Variants in PDE4D observed in about 807,000 individuals in gnomAD.
The protein encoded by PDE4D is 3',5'-cyclic-AMP phosphodiesterase 4D.
PDE4D carries 24 observed loss-of-function variants against 87.4 expected under a neutral mutation model. The ratio of observed to expected loss-of-function variants is 0.27; its 90% confidence interval spans 0.20 to 0.39. PDE4D has a LOEUF of 0.39. Among genes scored for constraint, PDE4D ranks in the 10% least tolerant of loss-of-function variants. The pLI is 1.00. For missense variants in PDE4D, 714 were observed against 1,041.0 expected (o/e 0.69, Z 4.32); for synonymous variants, 384 against 383.2 (o/e 1.00, Z -0.02).
At chr5:59,682,100 C>T (rs1002513822) in intron 1 of PDE4D, among the ~76,000 whole-genome samples, 3 of 151,820 alleles carry the variant, frequency 2.0e-5, no homozygotes, top group East Asian at 1.9e-4. Context: ...GTATCTGTTA[C>T]AGCAGCATTA....
At chr5:59,936,657 A>T (rs551430046) in intron 3 of PDE4D, among the ~76,000 whole-genome samples, 1 of 152,292 alleles carries the variant, frequency 6.6e-6, no homozygotes, top group South Asian at 2.1e-4. Context: ...TCACTCTCCC[A>T]TCTTTCAGTT....
At chr5:60,385,005 G>A (rs545650088) in intron 1 of PDE4D, among the ~76,000 whole-genome samples, 40 of 152,186 alleles carry the variant, frequency 2.6e-4, no homozygotes, top group African/African-American at 8.4e-4. Flanking sequence ...CATACAGCTT[G>A]GCCATAATTG....
chr5:59,465,702 T>C (rs1801485789), intron 1 of PDE4D, among the ~76,000 whole-genome samples: 1 of 152,194 alleles, frequency 6.6e-6, no homozygotes, highest in South Asian at 2.1e-4. Flanking sequence ...ATCAGTCACA[T>C]CTGCACACCT....
chr5:60,048,874 T>G (rs970149564), intron 2 of PDE4D, among the ~76,000 whole-genome samples: 8 of 152,170 alleles, frequency 5.3e-5, no homozygotes, highest in African/African-American at 9.7e-5. Context: ...GAGTATCTTT[T>G]TGGCATTCTC....
rs184559407 is a variant in PDE4D, at chr5:59,955,562, C to A, written c.272+32926G>T. 5.1e-3 allele frequency among the ~76,000 whole-genome samples: 781 copies of A among 152,296 alleles called. 7 individuals are homozygous for A. The highest frequency in any genetic ancestry group is 8.6e-3 in the Admixed American group (131 of 15,306). On this transcript the variant is annotated intron_variant, in intron 3 of 16. Transcript: ENST00000502484. ...GGGACACTGCAGGGATTACTCAGCT[C>A]CTCCTACTCCAAGCCTGAGGATTCC...
chr5:59,211,473 G>C (rs1027134851), intron 2 of PDE4D, among the ~76,000 whole-genome samples: 1 of 151,914 alleles, frequency 6.6e-6, no homozygotes, highest in Non-Finnish European at 1.5e-5. Flanking sequence ...TATTTCATTG[G>C]TTTAATGAAT....
chr5:59,282,629 G>A (rs528532462), intron 1 of PDE4D, among the ~76,000 whole-genome samples: 1 of 108,310 alleles, frequency 9.2e-6, no homozygotes, highest in Admixed American at 1.3e-4. Context: ...GGCGACAAGA[G>A]TGAAACTCCA....
chr5:59,897,841 T>A (rs1043414501), upstream of PDE4D, among the ~76,000 whole-genome samples: 3 of 152,202 alleles, frequency 2.0e-5, no homozygotes, highest in Non-Finnish European at 4.4e-5. Flanking sequence ...TAAACTCCTG[T>A]CTAATTACAT....
intron 1 of PDE4D, among the ~76,000 whole-genome samples, chr5:59,440,405 G>C (rs1034603036): frequency 2.0e-5 from 3 of 152,122 alleles, no homozygotes; most frequent in African/African-American, 7.2e-5. Flanking sequence ...CAAATGCATA[G>C]AATAGTCACT....
chr5:59,538,595 G>A (rs1439457105), intron 1 of PDE4D, among the ~76,000 whole-genome samples: 1 of 152,082 alleles, frequency 6.6e-6, no homozygotes, highest in Non-Finnish European at 1.5e-5. Context: ...CAAGCCATGA[G>A]TACCGGTCTG....
chr5:59,477,616 TCAGCCACTGTGAAAAGTAG>T (rs1803519250), intron 1 of PDE4D, among the ~76,000 whole-genome samples: 1 of 152,106 alleles, frequency 6.6e-6, no homozygotes, highest in South Asian at 2.1e-4. Context: ...GTAAATTACT[TCAGCCACTGTGAAAAGTAG>T]TTTGGAGATT....
chr5:60,150,626 C>T (rs1781425364), intron 2 of PDE4D, among the ~76,000 whole-genome samples: 1 of 152,058 alleles, frequency 6.6e-6, no homozygotes, highest in African/African-American at 2.4e-5. Context: ...AGGCTAAATT[C>T]TGTGTCCTCT....
At chr5:59,466,438 A>G (rs920792991) in intron 1 of PDE4D, among the ~76,000 whole-genome samples, 3 of 152,156 alleles carry the variant, frequency 2.0e-5, no homozygotes, top group Non-Finnish European at 4.4e-5. Context: ...GCTGGGTTCA[A>G]TGCTCTTTAC....
At chr5:60,083,822 T>C (rs1045334929) in intron 2 of PDE4D, among the ~76,000 whole-genome samples, 2 of 152,212 alleles carry the variant, frequency 1.3e-5, no homozygotes, top group Non-Finnish European at 2.9e-5. Context: ...AATGGGCTTG[T>C]TCCTTGACAG....
intron 1 of PDE4D, among the ~76,000 whole-genome samples, chr5:60,480,065 G>C (rs1313719125): frequency 1.3e-5 from 2 of 152,180 alleles, no homozygotes; most frequent in African/African-American, 4.8e-5. Context: ...GGGCCAGTTA[G>C]TGCAGGGGCA....
At chr5:60,151,178 T>C (rs974019249) in intron 2 of PDE4D, among the ~76,000 whole-genome samples, 4 of 152,146 alleles carry the variant, frequency 2.6e-5, no homozygotes, top group African/African-American at 9.7e-5. Flanking sequence ...CAGCAAATAA[T>C]TAAACATAGA....
At chr5:59,816,352 A>C (rs1380033252) in intron 1 of PDE4D, among the ~76,000 whole-genome samples, 1 of 152,180 alleles carries the variant, frequency 6.6e-6, no homozygotes, top group African/African-American at 2.4e-5. Context: ...TCATCTGGAA[A>C]ATGGCGATAA....
intron 1 of PDE4D, among the ~76,000 whole-genome samples, chr5:59,726,962 C>A (rs565518514): frequency 3.8e-4 from 57 of 151,794 alleles, no homozygotes; most frequent in African/African-American, 1.3e-3. Flanking sequence ...CACTAAGCAC[C>A]GATATACAAA....
intron 1 of PDE4D, among the ~76,000 whole-genome samples, chr5:59,403,187 A>ACT (rs1790999807): frequency 6.6e-6 from 1 of 150,762 alleles, no homozygotes; most frequent in Non-Finnish European, 1.5e-5. Context: ...ATAGATAGAT[A>ACT]GATTGATTGA....
Sources: allele counts gnomAD v4.1 joint callset (sites outside exome capture counted in the v4.1 genomes callset), GRCh38; gene constraint gnomAD v4.1.1; transcripts MANE v1.5; gene names NCBI Gene and HGNC (gene_info 2026-07-23, HGNC 2026-07-21).